Variants in RIMBP2 observed in about 807,000 individuals in gnomAD.
RIMBP2 encodes RIMS binding protein 2.
A neutral mutation model predicts 118.6 loss-of-function variants in RIMBP2; 48 were observed. The observed-to-expected ratio is 0.40, with a 90% CI of 0.32 to 0.51. RIMBP2 has a LOEUF of 0.51. Ranked by LOEUF, RIMBP2 falls within the 20% of genes least tolerant of loss-of-function variation. The pLI is 0.41. For missense variants in RIMBP2, 1,551 were observed against 1,768.3 expected, an observed-to-expected ratio of 0.88 and a Z score of 2.20; for synonymous variants, 762 against 742.9, an observed-to-expected ratio of 1.03 and a Z score of -0.42.
In RIMBP2 at chr12:130,456,596, G is replaced by A. The variant is rs1379063232; in HGVS notation, c.258C>T (p.Asp86=). 1 of 1,613,730 alleles carries A rather than the reference G, an allele frequency of 6.2e-7. No individual in the cohort carries two copies. The highest frequency in any genetic ancestry group is 1.7e-5 in the Admixed American group (1 of 60,018). The stretch of plus-strand genomic sequence containing the variant: ...GGGCCACCGCGCTGCCACCCAGCAG[G>A]TCAATCTTGCCAGCGTGCTGCCGGA... ...EKFRQHAGKI[D]LLGGSAVAPL... is the part of the protein sequence containing the mutation. Residue 86 remains aspartate, a synonymous_variant, in exon 7 of 23, where the codon GAC becomes GAT. Transcript: ENST00000690449.
At chr12:130,574,555 T>C (rs139735131) in intron 2 of RIMBP2, among the ~76,000 whole-genome samples, 3 of 152,336 alleles carry the variant, frequency 2.0e-5, no homozygotes, top group Admixed American at 6.5e-5. Flanking sequence ...GACATGGAGA[T>C]GCATCGCTGA....
chr12:130,445,757 G>A (rs968857768), intron 9 of RIMBP2, among the ~76,000 whole-genome samples: 1 of 152,178 alleles, frequency 6.6e-6, no homozygotes, highest in Non-Finnish European at 1.5e-5. Context: ...TTTAATGGGT[G>A]TAGAGTATTC....
At chr12:130,415,368 A>C (rs1283334006) in intron 17 of RIMBP2, among the ~76,000 whole-genome samples, 7 of 152,228 alleles carry the variant, frequency 4.6e-5, no homozygotes, top group Non-Finnish European at 7.3e-5. Flanking sequence ...GATTAAAAAA[A>C]CCCTCAACAA....
At chr12:130,546,523 C>T (rs139623086) in intron 2 of RIMBP2, among the ~76,000 whole-genome samples, 16 of 152,194 alleles carry the variant, frequency 1.1e-4, no homozygotes, top group African/African-American at 2.6e-4. Context: ...CTCAAATTCC[C>T]GGCCTCAAGT....
At chr12:130,704,032 GAGCCCCATCCTTCCAGATGA>G (rs2065982253) in intron 1 of RIMBP2, among the ~76,000 whole-genome samples, 3 of 152,058 alleles carry the variant, frequency 2.0e-5, no homozygotes, top group Non-Finnish European at 4.4e-5. Context: ...CTATAAATCG[GAGCCCCATCCTTCCAGATGA>G]AGCAGCATTT....
At chr12:130,438,661 C>A in intron 11 of RIMBP2, 145 bp from the exon 12 acceptor site, 1 of 416,446 alleles carries the variant, frequency 2.4e-6, no homozygotes, top group Non-Finnish European at 4.3e-6. Context: ...GAAAGCACAT[C>A]AGAAACTGTG....
chr12:130,539,498 A>T (rs913976798), intron 2 of RIMBP2, among the ~76,000 whole-genome samples: 1 of 152,234 alleles, frequency 6.6e-6, no homozygotes, highest in Non-Finnish European at 1.5e-5. Flanking sequence ...GGTAACGTGG[A>T]GCAAGCTGGG....
intron 19 of RIMBP2, among the ~76,000 whole-genome samples, chr12:130,411,082 A>G (rs2075673515): frequency 6.6e-6 from 1 of 152,222 alleles, no homozygotes; most frequent in Non-Finnish European, 1.5e-5. Context: ...CTTAATGCTA[A>G]GTAGTTCATG....
At chr12:130,596,038 A>C (rs1324698331) in intron 2 of RIMBP2, among the ~76,000 whole-genome samples, 2 of 152,164 alleles carry the variant, frequency 1.3e-5, no homozygotes, top group Non-Finnish European at 2.9e-5. Context: ...CATCCCAGTA[A>C]CCAACACAGA....
At chr12:130,675,746 C>T (rs954979993) in intron 1 of RIMBP2, among the ~76,000 whole-genome samples, 8 of 152,140 alleles carry the variant, frequency 5.3e-5, no homozygotes, top group African/African-American at 1.9e-4. Flanking sequence ...GTTCATGGTA[C>T]AGCCAGTGTA....
rs1344154086 is a variant in RIMBP2, at chr12:130,692,900, A to G, written c.-352+23322T>C. ...GTAGGGTAGGGTAGGGTAGGATAGG[A>G]TAGGGTAGGGTAGGATAGGGTAGAG... is the stretch of plus-strand genomic sequence containing the variant. On this transcript the variant is annotated intron_variant, in intron 1 of 22. Coordinates refer to ENST00000690449, the MANE Select transcript of RIMBP2 (RefSeq NM_001393629.1). Among the ~76,000 whole-genome samples, 8 of 145,472 alleles carry G rather than the reference A, an allele frequency of 5.5e-5. No individual in the cohort carries two copies. The East Asian group carries it at 1.1e-3, about 19-fold the overall frequency.
chr12:130,581,116 G>C lies in RIMBP2; in HGVS notation c.-217+47206C>G, dbSNP rs2058453413. Among the ~76,000 whole-genome samples the C allele has an allele frequency of 6.6e-6, 1 of 152,200 alleles. No homozygotes were observed. Among genetic ancestry groups the C allele is most frequent in the Non-Finnish European group, 1.5e-5 (1 of 68,032 alleles). ...GCTCATATTCATGGGCCAGGCACTG[G>C]GGGTGATGGTTTCCAAGACAGGCAG... On this transcript the variant is annotated intron_variant, in intron 2 of 22. Transcript: ENST00000690449. The surrounding 1 kb of genome is among the most constrained non-coding windows in gnomAD (Gnocchi z 4.4).
chr12:130,700,539 T>G (rs2065807667), intron 1 of RIMBP2, among the ~76,000 whole-genome samples: 1 of 151,918 alleles, frequency 6.6e-6, no homozygotes, highest in Non-Finnish European at 1.5e-5. Flanking sequence ...GAAGGCCACA[T>G]AGAGCCGCAG....
At chr12:130,541,923 C>T (rs1350842290) in intron 2 of RIMBP2, among the ~76,000 whole-genome samples, 4 of 152,354 alleles carry the variant, frequency 2.6e-5, no homozygotes, top group African/African-American at 9.6e-5. Flanking sequence ...CTAATGCCCC[C>T]TTGGCAGACC....
intron 2 of RIMBP2, among the ~76,000 whole-genome samples, chr12:130,562,395 A>G (rs866649340): frequency 6.6e-6 from 1 of 152,322 alleles, no homozygotes. Flanking sequence ...TTCAGGAATG[A>G]CTTGATCCAG....
chr12:130,399,573 TTTAC>T lies in RIMBP2; in HGVS notation c.3900+102_3900+105del, dbSNP rs1352516452. The T allele has an allele frequency of 9.7e-6, 13 of 1,345,344 alleles. 1 individual carries two copies. The highest frequency in any genetic ancestry group is 4.6e-5 in the East Asian group (2 of 43,188). The allele number at this position is 1,345,344 out of a possible 1,614,324, so 83.3% of individuals were successfully genotyped here. On this transcript the variant is annotated intron_variant, in intron 22 of 22. Coordinates refer to ENST00000690449, the MANE Select transcript of RIMBP2 (RefSeq NM_001393629.1). ...GCAGAGAAAAAAAATTCAGGGTGTA[TTTAC>T]GCTTTTCGGCCCAAGATATAAAAAT...
chr12:130,541,292 C>T lies in RIMBP2; in HGVS notation c.-216-23375G>A, dbSNP rs116867979. The stretch of plus-strand genomic sequence containing the variant: ...TCAGGTTAGCTACACTCTACATGGA[C>T]GCTTGCTTTCTGTGATCACAGAGGG... On this transcript the variant is annotated intron_variant, in intron 2 of 22. Coordinates refer to ENST00000690449, the MANE Select transcript of RIMBP2 (RefSeq NM_001393629.1). 2.1e-4 allele frequency among the ~76,000 whole-genome samples: 32 copies of T among 152,282 alleles called. 1 individual carries two copies. Among genetic ancestry groups the T allele is most frequent in the South Asian group, 1.7e-3 (8 of 4,816 alleles).
chr12:130,438,118 G>A (rs1413678191), intron 12 of RIMBP2, among the ~76,000 whole-genome samples: 2 of 152,178 alleles, frequency 1.3e-5, no homozygotes, highest in East Asian at 3.9e-4. Context: ...TCCCCTCTCT[G>A]GCCCCTGCAT....
intron 2 of RIMBP2, among the ~76,000 whole-genome samples, chr12:130,561,429 C>T (rs893532080): frequency 6.6e-6 from 1 of 152,132 alleles, no homozygotes; most frequent in Non-Finnish European, 1.5e-5. Context: ...AAAAGAGGAG[C>T]GTCAGATAGT....
Sources: allele counts gnomAD v4.1 joint callset (sites outside exome capture counted in the v4.1 genomes callset), GRCh38; gene constraint gnomAD v4.1.1; non-coding constraint Gnocchi (gnomAD v3.1); transcripts MANE v1.5; gene names NCBI Gene and HGNC (gene_info 2026-07-23, HGNC 2026-07-21).